Variants in AGAP1 observed in about 807,000 individuals in gnomAD.
AGAP1 encodes ArfGAP with GTPase domain, ankyrin repeat and PH domain 1, also known as arf-GAP with GTPase, ANK repeat and PH domain-containing protein 1.
A neutral mutation model predicts 105.3 loss-of-function variants in AGAP1; 29 were observed. The ratio of observed to expected loss-of-function variants is 0.28; its 90% confidence interval spans 0.21 to 0.38. The LOEUF is 0.38. Ranked by LOEUF, AGAP1 falls within the 10% of genes least tolerant of loss-of-function variation. The probability of loss-of-function intolerance (pLI) is 1.00; values close to 1 mark genes in which losing one functional copy is unlikely to be tolerated. For synonymous variants in AGAP1, 509 were observed against 485.9 expected (o/e 1.05, Z -0.63); for missense variants, 998 against 1,165.1 (o/e 0.86, Z 2.09).
chr2:235,693,383 A>G (rs1047066201), intron 1 of AGAP1, among the ~76,000 whole-genome samples: 2 of 152,076 alleles, frequency 1.3e-5, no homozygotes, highest in African/African-American at 4.8e-5. Flanking sequence ...TCCAGGGGTC[A>G]TATCCTTGGG....
chr2:235,969,380 TAAAAG>T (rs987473681), intron 13 of AGAP1, among the ~76,000 whole-genome samples: 21 of 152,058 alleles, frequency 1.4e-4, no homozygotes, highest in African/African-American at 4.6e-4. Flanking sequence ...AAGGAATACT[TAAAAG>T]GAAAAATTAA....
intron 1 of AGAP1, among the ~76,000 whole-genome samples, chr2:235,685,083 C>T (rs1205703226): frequency 6.6e-6 from 1 of 151,972 alleles, no homozygotes; most frequent in Non-Finnish European, 1.5e-5. Flanking sequence ...CTGGGTGGGC[C>T]GAGGTTGAGT....
In AGAP1 at chr2:235,578,833, A is replaced by G. The variant is rs1944827195; in HGVS notation, c.163+83984A>G. On this transcript the variant is annotated intron_variant, in intron 1 of 17. Transcript: ENST00000304032. The surrounding 1 kb of genome is among the most constrained non-coding windows in gnomAD (Gnocchi z 4.9). ...TTTACAATAAGCTATTTAAATAAAC[A>G]TTTGTGTATAGCCCAATAGTTTTTC... Among the ~76,000 whole-genome samples the G allele has an allele frequency of 6.6e-6, 1 of 152,022 alleles. No individual in the cohort carries two copies. The highest frequency in any genetic ancestry group is 1.9e-4 in the East Asian group (1 of 5,168).
rs150549872 is a variant in AGAP1 at position 236,023,179 on chromosome 2, A to T, written c.1646-13382A>T. ...CGACCCCGTTGCATTGACAGTGGCT[A>T]CCTGGAGAACTGTGTGAAGAGGAAT... On this transcript the variant is annotated intron_variant, in intron 13 of 17. Coordinates refer to ENST00000304032, the MANE Select transcript of AGAP1 (RefSeq NM_001037131.3). 9.3e-3 allele frequency among the ~76,000 whole-genome samples: 1,414 copies of T among 152,292 alleles called. 19 individuals carry two copies. Among genetic ancestry groups the T allele is most frequent in the African/African-American group, 0.031 (1,306 of 41,564 alleles).
chr2:236,019,640 A>T (rs994223456), intron 13 of AGAP1, among the ~76,000 whole-genome samples: 3 of 152,280 alleles, frequency 2.0e-5, no homozygotes, highest in Admixed American at 2.0e-4. Context: ...CTGCACCTGG[A>T]CGGGGCTTAG....
chr2:235,648,787 T>C (rs1040633680), intron 1 of AGAP1, among the ~76,000 whole-genome samples: 1 of 151,024 alleles, frequency 6.6e-6, no homozygotes, highest in South Asian at 2.1e-4. Flanking sequence ...CTCGGGAGGC[T>C]GAGGCAGTAG....
At chr2:235,943,964 CAAT>C (rs1325594998) in intron 12 of AGAP1, among the ~76,000 whole-genome samples, 2 of 152,076 alleles carry the variant, frequency 1.3e-5, no homozygotes, top group Non-Finnish European at 2.9e-5. Flanking sequence ...ATTAATTATA[CAAT>C]GATACTAAAA....
At position 235,682,141 on chromosome 2, in the gene AGAP1, G is replaced by A. The variant is rs533557089; in HGVS notation, c.164-27038G>A. On this transcript the variant is annotated intron_variant, in intron 1 of 17. Transcript: ENST00000304032. The stretch of plus-strand genomic sequence containing the variant: ...GCTGGGATTACAGGCGTGAGCCACC[G>A]TGCTTGGCCTCGGTTTGCATATTTT... 1.8e-3 allele frequency among the ~76,000 whole-genome samples: 270 copies of A among 151,860 alleles called. 1 individual carries two copies. Among genetic ancestry groups the A allele is most frequent in the African/African-American group, 6.2e-3 (255 of 41,444 alleles).
chr2:235,886,116 A>G (rs13401615), intron 10 of AGAP1, among the ~76,000 whole-genome samples: 3,546 of 152,218 alleles, frequency 0.023, 126 homozygotes, highest in African/African-American at 0.075. Context: ...TCTTCCCTGG[A>G]TTCTCTCTGC....
Position 235,556,472 on chromosome 2 carries a change from T to C in AGAP1, c.163+61623T>C, listed in dbSNP as rs1373468681. Among the ~76,000 whole-genome samples, 1 of 152,114 alleles carries C rather than the reference T, an allele frequency of 6.6e-6. No homozygotes were observed. Among genetic ancestry groups the C allele is most frequent in the East Asian group, 1.9e-4 (1 of 5,176 alleles). On this transcript the variant is annotated intron_variant, in intron 1 of 17. Transcript: ENST00000304032. This position sits in a 1 kb window ranked among gnomAD's most constrained non-coding sequence, Gnocchi z 5.3. Reference sequence around the variant, plus strand: ...AAGGCAGTCTTGGGGGACTTTGGGGTGACACAAACCAGAGAAGGGCTTCAG... The same window carrying C: ...AAGGCAGTCTTGGGGGACTTTGGGGCGACACAAACCAGAGAAGGGCTTCAG...
intron 5 of AGAP1, among the ~76,000 whole-genome samples, chr2:235,746,790 G>T (rs987322292): frequency 4.6e-5 from 7 of 152,098 alleles, no homozygotes; most frequent in Admixed American, 2.6e-4. Context: ...AGCTCAGGAG[G>T]TTTGACTTTA....
At chr2:236,007,191 A>G (rs1440057690) in intron 13 of AGAP1, among the ~76,000 whole-genome samples, 2 of 152,204 alleles carry the variant, frequency 1.3e-5, no homozygotes, top group Non-Finnish European at 2.9e-5. Context: ...AATGCCATGT[A>G]TCTTATGGTT....
rs554481908 is a variant in AGAP1 at position 236,128,078 on chromosome 2, C to G, written c.*3956C>G. The G allele has an allele frequency of 1.3e-5, 2 of 150,104 alleles. No homozygotes were observed. The highest frequency in any genetic ancestry group is 4.9e-5 in the African/African-American group (2 of 41,128). The allele number at this position is 150,104 out of a possible 1,614,324, so 9.3% of individuals were successfully genotyped here. ...GCTGTGATGGGCACGTTTGCCAACC[C>G]CCCCCCCCCAGTAGAGCCCAGGACC... On this transcript the variant is annotated 3_prime_UTR_variant, in exon 18 of 18. Transcript: ENST00000304032. This position sits in a 1 kb window ranked among gnomAD's most constrained non-coding sequence, Gnocchi z 5.9.
At chr2:235,863,699 T>C (rs2049030843) in intron 9 of AGAP1, among the ~76,000 whole-genome samples, 2 of 152,168 alleles carry the variant, frequency 1.3e-5, no homozygotes, top group Admixed American at 1.3e-4. Flanking sequence ...CGCTGGCCAA[T>C]GCAAGGCAGC....
intron 1 of AGAP1, among the ~76,000 whole-genome samples, chr2:235,588,979 G>C (rs750906479): frequency 6.6e-6 from 1 of 151,960 alleles, no homozygotes; most frequent in Non-Finnish European, 1.5e-5. Flanking sequence ...CGTTGTGCTC[G>C]TGCTGAGTTG....
intron 9 of AGAP1, among the ~76,000 whole-genome samples, chr2:235,812,307 C>T (rs1032802801): frequency 3.9e-5 from 6 of 152,196 alleles, no homozygotes; most frequent in Admixed American, 2.0e-4. Flanking sequence ...GAGGAAGAGC[C>T]GGCCTGCCCG....
intron 1 of AGAP1, among the ~76,000 whole-genome samples, chr2:235,617,967 C>T (rs558376185): frequency 2.1e-4 from 32 of 151,992 alleles, no homozygotes; most frequent in Non-Finnish European, 2.5e-4. Context: ...TTGTAGGGGC[C>T]GGCGAGTTAA....
At position 235,686,550 on chromosome 2, in the gene AGAP1, TATATATACAC is replaced by T. The variant is rs1157616450; in HGVS notation, c.164-22627_164-22618del. 1.8e-4 allele frequency among the ~76,000 whole-genome samples: 16 copies of T among 90,202 alleles called. 1 individual carries two copies. The highest frequency in any genetic ancestry group is 5.8e-4 in the African/African-American group (11 of 18,844). 59.2% of individuals were successfully genotyped at this position (90,202 alleles called of 152,430 possible). On this transcript the variant is annotated intron_variant, in intron 1 of 17. Transcript: ENST00000304032. ...AATTCTGGTTCCCAGGAAGGAGATA[TATATATACAC>T]ACACACACACACACACACACACACA...
rs188198951 is a variant in AGAP1, at chr2:235,500,678, T to C, written c.163+5829T>C. Among the ~76,000 whole-genome samples the C allele has an allele frequency of 3.0e-3, 450 of 152,176 alleles. 1 individual carries two copies. The highest frequency in any genetic ancestry group is 5.0e-3 in the Non-Finnish European group (338 of 67,996). ...AGGGACTTAAACCAGATCTGAATGG[T>C]TTCAAGCTGGTGTTCATGTGATCTT... On this transcript the variant is annotated intron_variant, in intron 1 of 17. Coordinates refer to ENST00000304032, the MANE Select transcript of AGAP1 (RefSeq NM_001037131.3).
Sources: allele counts gnomAD v4.1 joint callset (sites outside exome capture counted in the v4.1 genomes callset), GRCh38; gene constraint gnomAD v4.1.1; non-coding constraint Gnocchi (gnomAD v3.1); transcripts MANE v1.5; gene names NCBI Gene and HGNC (gene_info 2026-07-23, HGNC 2026-07-21).